Variants in ABL2 observed in about 807,000 individuals in gnomAD.
ABL2 encodes ABL proto-oncogene 2, non-receptor tyrosine kinase.
In ABL2, 49 loss-of-function variants were observed where a neutral mutation model predicts 107.7. The ratio of observed to expected loss-of-function variants is 0.45; its 90% CI spans 0.36 to 0.58. The LOEUF (loss-of-function observed/expected upper bound fraction) is 0.58, where lower values mean the gene tolerates loss of function less well. Among genes scored for constraint, ABL2 ranks in the 20% least tolerant of loss-of-function variants. ABL2 has a pLI of 0.00. For synonymous variants in ABL2, 549 were observed against 548.6 expected (o/e 1.00, Z -0.01); for missense variants, 1,245 against 1,457.0 (o/e 0.85, Z 2.37).
chr1:179,123,605 G>A (rs1024734286), intron 4 of ABL2, among the ~76,000 whole-genome samples: 10 of 152,250 alleles, frequency 6.6e-5, no homozygotes, highest in African/African-American at 2.4e-4. Flanking sequence ...GAATTCTCTG[G>A]ACTTCTCTCC....
At position 179,108,194 on chromosome 1, in the gene ABL2, C is replaced by T. The variant is rs759615562; in HGVS notation, c.3073G>A (p.Ala1025Thr). ...TSETQEGGKKAALGAVPISGK... is the reference protein window; with the variant it reads ...TSETQEGGKKTALGAVPISGK... ...CTGATGGGCACTGCGCCCAGAGCTGCCTTCTTTCCTCCTTCCTGTGTTTCT... is the reference window on the plus strand; with the variant it reads ...CTGATGGGCACTGCGCCCAGAGCTGTCTTCTTTCCTCCTTCCTGTGTTTCT... Residue 1025 changes from alanine to threonine, a missense_variant, in exon 12 of 12, where the codon GCA becomes ACA. Physicochemically the swap from Ala to Thr is moderately conservative, Grantham distance 58. Around this residue, in one of 3 missense-constraint regions of ABL2, gnomAD observed 761 missense variants for 766.4 expected, o/e 0.99. Coordinates refer to ENST00000502732, the MANE Select transcript of ABL2 (RefSeq NM_007314.4). 1 of 1,614,190 alleles carries T rather than the reference C, an allele frequency of 6.2e-7. No individual in the cohort carries two copies. The highest frequency in any genetic ancestry group is 1.1e-5 in the South Asian group (1 of 91,076).
intron 1 of ABL2, among the ~76,000 whole-genome samples, chr1:179,223,857 G>A (rs1663019431): frequency 6.6e-6 from 1 of 151,284 alleles, no homozygotes; most frequent in Non-Finnish European, 1.5e-5. Flanking sequence ...GCCGGGTGCG[G>A]TGGCTCACAC....
Position 179,190,560 on chromosome 1 carries a change from G to A in ABL2, c.157+38681C>T, listed in dbSNP as rs534378857. Among the ~76,000 whole-genome samples, 59 of 152,028 alleles carry A rather than the reference G, an allele frequency of 3.9e-4. 2 individuals are homozygous for A. The South Asian group carries it at 0.012, about 31-fold the overall frequency. ...GGCCATTGTTGATGACGTTGATGAC[G>A]TTAACTTTCAGCCTCTCCCCCCTCC... On this transcript the variant is annotated intron_variant, in intron 1 of 11. Transcript: ENST00000502732.
intron 8 of ABL2, 73 bp downstream of exon 8, chr1:179,117,259 A>T (rs2102611466): frequency 7.0e-7 from 1 of 1,432,530 alleles, no homozygotes; most frequent in Non-Finnish European, 9.7e-7. Context: ...ATCGTAAGAG[A>T]AGCTCTAAAG....
At chr1:179,213,248 AAT>A (rs1662387009) in intron 1 of ABL2, among the ~76,000 whole-genome samples, 4 of 152,198 alleles carry the variant, frequency 2.6e-5, no homozygotes, top group Admixed American at 2.6e-4. Flanking sequence ...TTTGAAACAT[AAT>A]GTGTATTTTA....
chr1:179,126,243 G>A lies in ABL2; in HGVS notation c.687+134C>T. 1.9e-6 allele frequency: 2 copies of A among 1,072,048 alleles called. No individual in the cohort carries two copies. The highest frequency in any genetic ancestry group is 2.6e-6 in the Non-Finnish European group (2 of 757,286). The allele number at this position is 1,072,048 out of a possible 1,614,324, so 66.4% of individuals were successfully genotyped here. A position where few individuals can be genotyped will look rare whatever the true frequency, so the allele number is the denominator to read the frequency against. The stretch of plus-strand genomic sequence containing the variant: ...AGTACAAGCTCTAACATGCCAAAAA[G>A]CCCAAACTCACAAAGCTAGTGAATA... On this transcript the variant is annotated intron_variant, in intron 4 of 11. Coordinates refer to ENST00000502732, the MANE Select transcript of ABL2 (RefSeq NM_007314.4). The surrounding 1 kb of genome is among the most constrained non-coding windows in gnomAD (Gnocchi z 4.4).
chr1:179,138,323 T>G (rs940562319), intron 1 of ABL2, among the ~76,000 whole-genome samples: 1 of 152,170 alleles, frequency 6.6e-6, no homozygotes, highest in African/African-American at 2.4e-5. Context: ...GGTCTCAAAC[T>G]CCTGAGCTCA....
rs866896159 is a variant in ABL2, at chr1:179,217,127, C to A, written c.157+12114G>T. 3.3e-5 allele frequency among the ~76,000 whole-genome samples: 5 copies of A among 151,342 alleles called. No individual in the cohort carries two copies. In the East Asian group the frequency reaches 5.9e-4, roughly 18 times the overall value. On this transcript the variant is annotated intron_variant, in intron 1 of 11. Coordinates refer to ENST00000502732, the MANE Select transcript of ABL2 (RefSeq NM_007314.4). ...CCTGGCCAACGTGGTGAAACCGTCT[C>A]TACTAAAAATACAAAAATTAGCTGG...
chr1:179,131,525 A>G (rs1456821123), intron 2 of ABL2, 44 bp from the exon 3 acceptor site: 2 of 1,588,224 alleles, frequency 1.3e-6, no homozygotes, highest in East Asian at 2.2e-5. Context: ...TGAGTTCAAC[A>G]GCGAAACATT....
intron 4 of ABL2, among the ~76,000 whole-genome samples, chr1:179,125,249 G>A (rs1040329002): frequency 2.6e-5 from 4 of 152,312 alleles, no homozygotes; most frequent in South Asian, 2.1e-4. Context: ...AAAAGCAGAC[G>A]GCTGGAGGGC....
intron 4 of ABL2, among the ~76,000 whole-genome samples, chr1:179,122,308 A>T (rs1394239280): frequency 6.6e-6 from 1 of 150,640 alleles, no homozygotes; most frequent in African/African-American, 2.4e-5. Flanking sequence ...AATATTCTGC[A>T]GACAGGGTCT....
intron 1 of ABL2, 71 bp downstream of exon 1, chr1:179,229,170 G>GGCCCC: frequency 6.8e-5 from 18 of 266,250 alleles, no homozygotes; most frequent in Non-Finnish European, 9.5e-5. Context: ...CAGCCCGTCC[G>GGCCCC]CCACCCACCC....
rs28913886 is a variant in ABL2, at chr1:179,109,456, C to T, written c.1826-15G>A. ...TCTGATGAACCCTGATGAGAAATGG[C>T]CGATCAGTAACTTAAAAGACAAGAA... On this transcript the variant is annotated splice_polypyrimidine_tract_variant and intron_variant, in intron 11 of 11. Coordinates refer to ENST00000502732, the MANE Select transcript of ABL2 (RefSeq NM_007314.4). The T allele has an allele frequency of 3.2e-3, 5,085 of 1,588,968 alleles. 111 individuals are homozygous for T. The African/African-American group carries it at 0.052, about 16-fold the overall frequency.
intron 3 of ABL2, among the ~76,000 whole-genome samples, chr1:179,129,990 G>A (rs549628131): frequency 6.6e-6 from 1 of 151,940 alleles, no homozygotes; most frequent in Non-Finnish European, 1.5e-5. Context: ...CCCAGGCTGG[G>A]GTGCAGTGGC....
chr1:179,225,187 C>T (rs1208960576), intron 1 of ABL2, among the ~76,000 whole-genome samples: 1 of 152,136 alleles, frequency 6.6e-6, no homozygotes, highest in East Asian at 1.9e-4. Flanking sequence ...ATTATCACAG[C>T]TTACCCACAT....
chr1:179,190,310 A>C (rs926736404), intron 1 of ABL2, among the ~76,000 whole-genome samples: 10 of 152,104 alleles, frequency 6.6e-5, no homozygotes, highest in Non-Finnish European at 1.0e-4. Flanking sequence ...CACGGAACTC[A>C]GGGAAACACT....
chr1:179,121,618 T>C lies in ABL2; in HGVS notation c.937A>G (p.Thr313Ala), dbSNP rs750790352. 9.3e-6 allele frequency: 15 copies of C among 1,614,038 alleles called. 1 individual carries two copies. In the South Asian group the frequency reaches 1.6e-4, roughly 18 times the overall value. Reference sequence around the variant, plus strand: ...ACCTTCAATGTTTTCACAGCAACTGTAAGGCTGTATTTCTTCCAGACGCCA... The same window carrying C: ...ACCTTCAATGTTTTCACAGCAACTGCAAGGCTGTATTTCTTCCAGACGCCA... ...YVGVWKKYSL[T>A]VAVKTLKEDT... The change falls in exon 5 of 12, where the codon ACA (threonine) becomes GCA (alanine). Residue 313 changes from threonine to alanine, a missense_variant. Around this residue, in one of 3 missense-constraint regions of ABL2, gnomAD observed 320 missense variants for 547.0 expected, o/e 0.59. Coordinates refer to ENST00000502732, the MANE Select transcript of ABL2 (RefSeq NM_007314.4).
chr1:179,120,391 T>C, intron 5 of ABL2, 117 bp from the exon 6 acceptor site: 1 of 521,956 alleles, frequency 1.9e-6, no homozygotes, highest in Non-Finnish European at 3.3e-6. Context: ...AACTATCTTT[T>C]GAATATTTTA....
chr1:179,138,231 A>G (rs1317801823), intron 1 of ABL2, among the ~76,000 whole-genome samples: 44 of 152,114 alleles, frequency 2.9e-4, no homozygotes, highest in Non-Finnish European at 5.9e-5. Context: ...AAATGCTGCC[A>G]GTTTAGGAGA....
Sources: gnomAD v4.1 joint callset for allele counts (sites outside exome capture counted in the v4.1 genomes callset) on GRCh38, gnomAD v4.1.1 for gene constraint, gnomAD v4.1.1 regional missense constraint, Gnocchi (gnomAD v3.1) non-coding constraint, MANE v1.5 for transcripts, NCBI Gene and HGNC (gene_info 2026-07-23, HGNC 2026-07-21) for gene names.